The following VPS8 variants were observed in gnomAD, a reference collection of about 807,000 sequenced individuals.
VPS8 encodes VPS8 subunit of CORVET complex.
A neutral mutation model predicts 216.4 loss-of-function variants in VPS8; 129 were observed. That is an observed-to-expected ratio of 0.60 (90% CI 0.52 to 0.69). The LOEUF is 0.69. VPS8 is among the 30% of genes least tolerant of loss of function. The probability of loss-of-function intolerance (pLI) is 0.00; values close to 1 mark genes in which losing one functional copy is unlikely to be tolerated. For synonymous variants in VPS8, 571 were observed against 565.4 expected, an observed-to-expected ratio of 1.01 and a Z score of -0.14; for missense variants, 1,531 against 1,683.5, an observed-to-expected ratio of 0.91 and a Z score of 1.59.
Position 184,824,551 on chromosome 3 carries a change from T to G in VPS8, c.-82T>G. ...TTTTTCTTTTTTTGAAAAGAGATAA[T>G]CATTCAGGTCTTCGTGAGCTAAGGC... On this transcript the variant is annotated 5_prime_UTR_variant, in exon 2 of 48. Coordinates refer to ENST00000625842, the MANE Select transcript of VPS8 (RefSeq NM_001009921.3). The G allele has an allele frequency of 7.2e-7, 1 of 1,394,826 alleles. No homozygotes were observed. The highest frequency in any genetic ancestry group is 1.4e-5 in the South Asian group (1 of 71,290). The allele number at this position is 1,394,826 out of a possible 1,614,324, so 86.4% of individuals were successfully genotyped here.
At chr3:185,042,287 A>T (rs1711831968) in intron 46 of VPS8, among the ~76,000 whole-genome samples, 1 of 152,122 alleles carries the variant, frequency 6.6e-6, no homozygotes, top group South Asian at 2.1e-4. Flanking sequence ...TCAGCCACGT[A>T]TTTTTGAGGC....
chr3:184,924,999 A>G lies in VPS8; in HGVS notation c.2574+18A>G. 3 of 1,608,434 alleles carry G rather than the reference A, an allele frequency of 1.9e-6. No individual in the cohort carries two copies. The highest frequency in any genetic ancestry group is 2.5e-6 in the Non-Finnish European group (3 of 1,177,542). ...TTGATCAGGTAAGTGTCTAGCAGTG[A>G]AAACTAAAAGGTTTTTTCCTGTTTA... On this transcript the variant is annotated intron_variant, in intron 30 of 47. Coordinates refer to ENST00000625842, the MANE Select transcript of VPS8 (RefSeq NM_001009921.3).
intron 8 of VPS8, among the ~76,000 whole-genome samples, chr3:184,844,964 C>T (rs1722853449): frequency 6.6e-6 from 1 of 152,180 alleles, no homozygotes; most frequent in Non-Finnish European, 1.5e-5. Context: ...AGGTGATAGT[C>T]TCATTTCATA....
intron 1 of VPS8, among the ~76,000 whole-genome samples, chr3:184,821,371 T>C (rs971972311): frequency 1.3e-5 from 2 of 151,518 alleles, no homozygotes; most frequent in African/African-American, 4.9e-5. Context: ...AGAGACGGAG[T>C]CTTGCTCTGT....
rs950254346 is a variant in VPS8 at position 184,971,535 on chromosome 3, T to G, written c.3317-114T>G. The G allele has an allele frequency of 5.2e-5, 33 of 638,230 alleles. No individual in the cohort carries two copies. The African/African-American group carries it at 5.2e-4, about 10-fold the overall frequency. 39.5% of individuals were successfully genotyped at this position (638,230 alleles called of 1,614,324 possible). A position where few individuals can be genotyped will look rare whatever the true frequency, so the allele number is the denominator to read the frequency against. ...ATTAGCATCAGGTTTTATTAATTAT[T>G]ATATACTAGAAAATGAAGGTGATGC... On this transcript the variant is annotated intron_variant, in intron 39 of 47. Coordinates refer to ENST00000625842, the MANE Select transcript of VPS8 (RefSeq NM_001009921.3).
chr3:184,868,274 A>G, intron 18 of VPS8: 1 of 503,320 alleles, frequency 2.0e-6, no homozygotes. Flanking sequence ...TCAAAATAAT[A>G]GTGGCTTAAA....
intron 14 of VPS8, 59 bp from the exon 15 acceptor site, chr3:184,859,926 A>G (rs1312047455): frequency 2.3e-6 from 3 of 1,294,900 alleles, no homozygotes; most frequent in African/African-American, 2.9e-5. Flanking sequence ...ATAATTAAAT[A>G]TCTAAAAAAG....
At chr3:185,006,595 C>T (rs530400712) in intron 45 of VPS8, among the ~76,000 whole-genome samples, 1 of 152,312 alleles carries the variant, frequency 6.6e-6, no homozygotes, top group East Asian at 1.9e-4. Flanking sequence ...AATACTAATT[C>T]TACTGTGATC....
intron 26 of VPS8, 119 bp from the exon 27 acceptor site, chr3:184,914,862 A>G (rs1737235496): frequency 9.8e-7 from 1 of 1,021,134 alleles, no homozygotes; most frequent in Non-Finnish European, 1.5e-6. Context: ...CCTAACTGAC[A>G]AAAGCTGAGC....
intron 21 of VPS8, among the ~76,000 whole-genome samples, chr3:184,883,432 C>T (rs1241350416): frequency 6.6e-6 from 1 of 152,208 alleles, no homozygotes; most frequent in Non-Finnish European, 1.5e-5. Context: ...TTCCTTCTAA[C>T]ACCTCTTCCC....
intron 40 of VPS8, among the ~76,000 whole-genome samples, chr3:184,977,355 G>A (rs1188023928): frequency 6.6e-6 from 1 of 152,054 alleles, no homozygotes; most frequent in Non-Finnish European, 1.5e-5. Context: ...CTAGATATTA[G>A]ACATTTGTCA....
rs749094648 is a variant in VPS8 at position 184,894,706 on chromosome 3, T to C, written c.1785T>C (p.Asp595=). 2 of 1,594,140 alleles carry C rather than the reference T, an allele frequency of 1.3e-6. No homozygotes were observed. Among genetic ancestry groups the C allele is most frequent in the South Asian group, 2.3e-5 (2 of 87,906 alleles). ...VDYCLLLQRK[D]LLFSQMYDKL... ...TCTCCCCCCCTTTCTGTTACAGGGA[T>C]CTTTTATTTAGTCAGATGTATGATA... Residue 595 remains aspartate (D), a synonymous_variant, in exon 23 of 48, where the codon GAT becomes GAC. Coordinates refer to ENST00000625842, the MANE Select transcript of VPS8 (RefSeq NM_001009921.3).
At chr3:184,865,193 A>C (rs1411170260) in intron 16 of VPS8, among the ~76,000 whole-genome samples, 1 of 152,222 alleles carries the variant, frequency 6.6e-6, no homozygotes, top group Non-Finnish European at 1.5e-5. Flanking sequence ...CAGATAGCCT[A>C]ATGTACGTGC....
intron 22 of VPS8, among the ~76,000 whole-genome samples, chr3:184,892,477 G>A (rs1578111414): frequency 6.6e-6 from 1 of 152,190 alleles, no homozygotes; most frequent in African/African-American, 2.4e-5. Flanking sequence ...TTGGCCTCCC[G>A]AAGAGCTGGG....
intron 43 of VPS8, among the ~76,000 whole-genome samples, chr3:184,995,366 G>A (rs539893963): frequency 7.9e-5 from 12 of 152,274 alleles, no homozygotes; most frequent in South Asian, 6.2e-4. Flanking sequence ...TTGGTTAAGC[G>A]TAGCCCAGTG....
intron 35 of VPS8, among the ~76,000 whole-genome samples, chr3:184,938,704 T>A (rs766310003): frequency 6.7e-6 from 1 of 149,348 alleles, no homozygotes; most frequent in Non-Finnish European, 1.5e-5. Flanking sequence ...AGTAGGTGAA[T>A]ATAATGTCAT....
chr3:185,026,190 G>T (rs1757319895), intron 46 of VPS8, among the ~76,000 whole-genome samples: 1 of 151,686 alleles, frequency 6.6e-6, no homozygotes, highest in Non-Finnish European at 1.5e-5. Flanking sequence ...GGGGAAAAAT[G>T]ATAAAAAAAA....
chr3:184,830,676 C>T (rs1279511632), intron 3 of VPS8, among the ~76,000 whole-genome samples: 1 of 152,150 alleles, frequency 6.6e-6, no homozygotes, highest in Non-Finnish European at 1.5e-5. Flanking sequence ...ATTATGTCCC[C>T]AGGCTTTTTA....
chr3:184,950,338 T>A (rs911504523), intron 36 of VPS8, among the ~76,000 whole-genome samples: 19 of 145,646 alleles, frequency 1.3e-4, no homozygotes, highest in Admixed American at 3.5e-4. Context: ...ACTGGATATA[T>A]GGGATAGAGC....
Sources: allele counts gnomAD v4.1 joint callset (sites outside exome capture counted in the v4.1 genomes callset), GRCh38; gene constraint gnomAD v4.1.1; transcripts MANE v1.5; gene names NCBI Gene and HGNC (gene_info 2026-07-23, HGNC 2026-07-21).